DPP6: variants seen among roughly 807,000 people sequenced by gnomAD.
DPP6 encodes the protein dipeptidyl peptidase like 6.
In DPP6, 69 loss-of-function variants were observed where a neutral mutation model predicts 122.6. That is an observed-to-expected ratio of 0.56 (90% CI 0.46 to 0.69). The LOEUF (loss-of-function observed/expected upper bound fraction) is 0.69. Among genes scored for constraint, DPP6 ranks in the 30% least tolerant of loss-of-function variants. The pLI, the probability that DPP6 is intolerant of heterozygous loss-of-function variation, is 0.00. For synonymous variants in DPP6, 418 were observed against 433.1 expected, an observed-to-expected ratio of 0.97 and a Z score of 0.43; for missense variants, 928 against 1,116.9, an observed-to-expected ratio of 0.83 and a Z score of 2.41.
At chr7:154,368,297 G>A (rs1259746858) in intron 1 of DPP6, among the ~76,000 whole-genome samples, 2 of 152,182 alleles carry the variant, frequency 1.3e-5, no homozygotes, top group Non-Finnish European at 2.9e-5. Flanking sequence ...TGGGGTGCTA[G>A]ACCAGTGGTT....
the DPP6 span, among the ~76,000 whole-genome samples, chr7:153,827,273 G>A: frequency 1.3e-5 from 2 of 152,140 alleles, no homozygotes; most frequent in Non-Finnish European, 2.9e-5. Context: ...AAATATCCAT[G>A]TAGCAGAAAG....
At chr7:154,329,812 A>G (rs984073684) in intron 1 of DPP6, among the ~76,000 whole-genome samples, 4 of 152,242 alleles carry the variant, frequency 2.6e-5, no homozygotes, top group African/African-American at 9.6e-5. Flanking sequence ...AATAAAGAAA[A>G]TGTGGCACAT....
chr7:154,398,611 A>ATT (rs1357105778), intron 1 of DPP6, among the ~76,000 whole-genome samples: 1 of 148,432 alleles, frequency 6.7e-6, no homozygotes, highest in Non-Finnish European at 1.5e-5. Context: ...CATCCTTCAT[A>ATT]TTTTCTCTCT....
upstream of DPP6, among the ~76,000 whole-genome samples, chr7:153,884,987 A>AATAC (rs1209555021): frequency 0.018 from 2,125 of 116,384 alleles, 61 homozygotes; most frequent in African/African-American, 0.021. Flanking sequence ...TCAAAACAAA[A>AATAC]ATATATATAT....
At chr7:154,332,765 CTTTCTT>C (rs1809062785) in intron 1 of DPP6, among the ~76,000 whole-genome samples, 5 of 152,144 alleles carry the variant, frequency 3.3e-5, no homozygotes, top group Admixed American at 3.3e-4. Context: ...AAAATGTAGT[CTTTCTT>C]TGTCGAGCTC....
chr7:153,850,714 C>T, the DPP6 span, among the ~76,000 whole-genome samples: 1 of 152,248 alleles, frequency 6.6e-6, no homozygotes, highest in South Asian at 2.1e-4. Context: ...CAGGCAAGAG[C>T]TTCTGTAGGG....
intron 1 of DPP6, among the ~76,000 whole-genome samples, chr7:154,079,036 A>C (rs1803793634): frequency 6.6e-6 from 1 of 151,460 alleles, no homozygotes; most frequent in Non-Finnish European, 1.5e-5. Context: ...AGGTGGGTGT[A>C]TCACGCGGTC....
At chr7:153,903,664 G>A (rs924850800) in intron 1 of DPP6, among the ~76,000 whole-genome samples, 1 of 152,202 alleles carries the variant, frequency 6.6e-6, no homozygotes, top group African/African-American at 2.4e-5. Flanking sequence ...GTTGCATTAA[G>A]AGCATGTGGA....
intron 1 of DPP6, among the ~76,000 whole-genome samples, chr7:154,011,539 A>G (rs1798156755): frequency 6.6e-6 from 1 of 151,578 alleles, no homozygotes; most frequent in Non-Finnish European, 1.5e-5. Flanking sequence ...AAACTTGAAA[A>G]ACTCAGAAGT....
intron 16 of DPP6, among the ~76,000 whole-genome samples, chr7:154,825,536 G>A (rs915150465): frequency 5.9e-5 from 9 of 152,200 alleles, no homozygotes; most frequent in Non-Finnish European, 8.8e-5. Flanking sequence ...CGTCACCGAC[G>A]TGAGCATCTG....
intron 8 of DPP6, among the ~76,000 whole-genome samples, chr7:154,749,653 A>G (rs1843258946): frequency 9.9e-6 from 1 of 100,772 alleles, no homozygotes; most frequent in Admixed American, 1.0e-4. Flanking sequence ...AAAGAGAGGG[A>G]TGGGGCATTA....
intron 16 of DPP6, among the ~76,000 whole-genome samples, chr7:154,809,989 C>T (rs1445118753): frequency 1.3e-5 from 2 of 152,188 alleles, no homozygotes; most frequent in African/African-American, 4.8e-5. Flanking sequence ...CCTGCCTCAG[C>T]CTCCCAAGTA....
the DPP6 span, among the ~76,000 whole-genome samples, chr7:153,754,128 C>T: frequency 1.3e-4 from 19 of 150,568 alleles, no homozygotes; most frequent in South Asian, 6.3e-4. Context: ...GTTTATTTTA[C>T]CACAAGGACA....
At chr7:153,977,711 C>T (rs1257546824) in intron 1 of DPP6, among the ~76,000 whole-genome samples, 2 of 152,020 alleles carry the variant, frequency 1.3e-5, no homozygotes, top group Non-Finnish European at 2.9e-5. Context: ...TCCCCTTGTC[C>T]CCCACCCCCG....
Position 154,570,437 on chromosome 7 carries a change from C to T in DPP6, c.627+3521C>T, listed in dbSNP as rs1020845658. On this transcript the variant is annotated intron_variant, in intron 5 of 25. Coordinates refer to ENST00000377770, the MANE Select transcript of DPP6 (RefSeq NM_130797.4). ...CAGGTCTTTTTATCTCCTATCTGTC[C>T]CCACCTCAGAGGACCCAGCACAGGG... 2.0e-5 allele frequency among the ~76,000 whole-genome samples: 3 copies of T among 151,686 alleles called. No homozygotes were observed. In the East Asian group the frequency reaches 5.8e-4, roughly 29 times the overall value.
the DPP6 span, among the ~76,000 whole-genome samples, chr7:153,823,374 C>G: frequency 3.4e-4 from 50 of 148,522 alleles, no homozygotes; most frequent in African/African-American, 1.2e-3. Flanking sequence ...CCACAGGGGG[C>G]CTCTTGCCTC....
At chr7:154,239,604 G>A (rs917451562) in intron 1 of DPP6, among the ~76,000 whole-genome samples, 2 of 152,038 alleles carry the variant, frequency 1.3e-5, no homozygotes, top group Non-Finnish European at 1.5e-5. Flanking sequence ...TGTGTTCATC[G>A]ACTGTTTATA....
At chr7:154,538,784 T>G (rs1477610181) in intron 3 of DPP6, among the ~76,000 whole-genome samples, 3 of 152,254 alleles carry the variant, frequency 2.0e-5, no homozygotes, top group African/African-American at 7.2e-5. Context: ...GTGAGTTCTT[T>G]TAATGTGAGA....
rs923526349 is a variant in DPP6, at chr7:154,894,244, G to A, written c.*1764G>A. The A allele has an allele frequency of 6.6e-6, 1 of 152,244 alleles. No homozygotes were observed. Among genetic ancestry groups the A allele is most frequent in the Non-Finnish European group, 1.5e-5 (1 of 68,058 alleles). The allele number at this position is 152,244 out of a possible 1,614,324, so 9.4% of individuals were successfully genotyped here. On this transcript the variant is annotated 3_prime_UTR_variant, in exon 26 of 26. Transcript: ENST00000377770. Reference sequence around the variant, plus strand: ...TCGGAGGGAAGTGGGGATGTGGCATGGTAGCGTCTGTTCATCCATGGAATA... The same window carrying A: ...TCGGAGGGAAGTGGGGATGTGGCATAGTAGCGTCTGTTCATCCATGGAATA...
Sources: allele counts gnomAD v4.1 joint callset (sites outside exome capture counted in the v4.1 genomes callset), GRCh38; gene constraint gnomAD v4.1.1; transcripts MANE v1.5; gene names NCBI Gene and HGNC (gene_info 2026-07-23, HGNC 2026-07-21).